Variants in PHF20 observed in about 807,000 individuals in gnomAD.
PHF20 encodes PHD finger protein 20, also known as glioma-expressed antigen 2.
PHF20 carries 23 observed loss-of-function variants against 113.5 expected under a neutral mutation model. The ratio of observed to expected loss-of-function variants is 0.20; its 90% CI spans 0.15 to 0.29. The LOEUF (loss-of-function observed/expected upper bound fraction) is 0.29. PHF20 is among the 10% of genes least tolerant of loss of function. The pLI is 1.00. For missense variants in PHF20, 943 were observed against 1,219.6 expected, an observed-to-expected ratio of 0.77 and a Z score of 3.38; for synonymous variants, 434 against 457.3, an observed-to-expected ratio of 0.95 and a Z score of 0.65.
At chr20:35,815,721 T>G (rs888309922) in intron 2 of PHF20, among the ~76,000 whole-genome samples, 1 of 151,962 alleles carries the variant, frequency 6.6e-6, no homozygotes, top group Non-Finnish European at 1.5e-5. Flanking sequence ...CGCCTCAGCC[T>G]CCCAAAGTGC....
At chr20:35,840,372 A>T (rs918823543) in intron 2 of PHF20, among the ~76,000 whole-genome samples, 10 of 152,182 alleles carry the variant, frequency 6.6e-5, no homozygotes, top group African/African-American at 2.4e-4. Flanking sequence ...TCTTATCCAG[A>T]TACCTCTCTT....
At position 35,823,667 on chromosome 20, in the gene PHF20, G is replaced by GA. The variant is rs1255536349; in HGVS notation, c.84-18897dup. On this transcript the variant is annotated intron_variant, in intron 2 of 17. Coordinates refer to ENST00000374012, the MANE Select transcript of PHF20 (RefSeq NM_016436.5). ...AAAAAAAAAAAAAGGGGTGAAGAAA[G>GA]AAAAAAAAAGATATAAAGCACTTCT... 1.6e-4 allele frequency among the ~76,000 whole-genome samples: 22 copies of GA among 135,686 alleles called. 1 individual carries two copies. The highest frequency in any genetic ancestry group is 1.4e-3 in the South Asian group (6 of 4,220). The allele number at this position is 135,686 out of a possible 152,430, so 89.0% of individuals were successfully genotyped here.
In PHF20 at chr20:35,944,333, G is replaced by A. The variant is rs191506300; in HGVS notation, c.2897-3152G>A. On this transcript the variant is annotated intron_variant, in intron 17 of 17. Coordinates refer to ENST00000374012, the MANE Select transcript of PHF20 (RefSeq NM_016436.5). ...TAACCAAGCTCAGGCACTACTGAGT[G>A]GCTTAGACTCTTCCAGTCTGAGCGT... 1.8e-3 allele frequency among the ~76,000 whole-genome samples: 270 copies of A among 152,270 alleles called. 3 individuals are homozygous for A. Among genetic ancestry groups the A allele is most frequent in the African/African-American group, 6.2e-3 (256 of 41,552 alleles).
At chr20:35,821,476 C>T (rs1262869295) in intron 2 of PHF20, among the ~76,000 whole-genome samples, 2 of 145,654 alleles carry the variant, frequency 1.4e-5, no homozygotes, top group Non-Finnish European at 3.0e-5. Context: ...TATAGCAAAA[C>T]GCTGTCTCTA....
chr20:35,793,995 C>CAA (rs56189104), intron 1 of PHF20, among the ~76,000 whole-genome samples: 32 of 33,692 alleles, frequency 9.5e-4, no homozygotes, highest in African/African-American at 1.4e-3. Context: ...GACTCTGTCT[C>CAA]AAAAAAAAAA....
Position 35,885,529 on chromosome 20 carries a change from TG to T in PHF20, c.1282+13701del, listed in dbSNP as rs1244508849. Among the ~76,000 whole-genome samples the T allele has an allele frequency of 4.7e-5, 7 of 150,442 alleles. No homozygotes were observed. In the East Asian group the frequency reaches 1.4e-3, roughly 29 times the overall value. On this transcript the variant is annotated intron_variant, in intron 9 of 17. Coordinates refer to ENST00000374012, the MANE Select transcript of PHF20 (RefSeq NM_016436.5). The stretch of plus-strand genomic sequence containing the variant: ...TTTTAAAAATGAGATCTTCAGTTTT[TG>T]TCTTTTATGACCTTGACATTACATT...
chr20:35,781,165 A>T (rs1331888701), intron 1 of PHF20, among the ~76,000 whole-genome samples: 4 of 139,206 alleles, frequency 2.9e-5, no homozygotes, highest in Admixed American at 1.5e-4. Context: ...TTTTTCTGAG[A>T]TGGATTCTTG....
intron 9 of PHF20, chr20:35,887,573 G>C (rs2054758453): frequency 6.6e-6 from 1 of 152,124 alleles, no homozygotes; most frequent in South Asian, 2.1e-4. Flanking sequence ...GTGTTTCCTA[G>C]TAAGACAGAC....
chr20:35,884,119 G>A (rs1431461471), intron 9 of PHF20, among the ~76,000 whole-genome samples: 7 of 152,174 alleles, frequency 4.6e-5, no homozygotes, highest in Non-Finnish European at 8.8e-5. Flanking sequence ...ATTGCTGGGG[G>A]AAAGGGAGGT....
intron 9 of PHF20, among the ~76,000 whole-genome samples, chr20:35,879,812 A>G (rs1178766371): frequency 1.3e-5 from 2 of 151,736 alleles, no homozygotes; most frequent in Non-Finnish European, 2.9e-5. Context: ...CTCCAAAACA[A>G]AACAGAATAA....
intron 15 of PHF20, 142 bp from the exon 16 acceptor site, chr20:35,938,555 G>A (rs751597844): frequency 3.4e-5 from 26 of 768,368 alleles, no homozygotes; most frequent in Admixed American, 9.6e-5. Flanking sequence ...ATTCACATTC[G>A]CTCTTGTTTA....
chr20:35,779,100 A>G (rs543418205), intron 1 of PHF20, among the ~76,000 whole-genome samples: 37 of 151,842 alleles, frequency 2.4e-4, no homozygotes, highest in African/African-American at 8.0e-4. Flanking sequence ...CAATGGTGCA[A>G]TCTCGGCTCA....
chr20:35,941,163 CTTCTT>C (rs2055972585), intron 17 of PHF20, 116 bp downstream of exon 17: 1 of 747,342 alleles, frequency 1.3e-6, no homozygotes, highest in South Asian at 2.0e-5. Context: ...CTTTGCTTCT[CTTCTT>C]TTCAGCCTCT....
intron 12 of PHF20, among the ~76,000 whole-genome samples, chr20:35,915,593 G>A (rs1179710972): frequency 6.6e-6 from 1 of 151,914 alleles, no homozygotes; most frequent in East Asian, 1.9e-4. Context: ...CACCATGTTG[G>A]TCAGGCTGGT....
chr20:35,819,261 T>C (rs1452734973), intron 2 of PHF20, among the ~76,000 whole-genome samples: 2 of 152,148 alleles, frequency 1.3e-5, no homozygotes. Flanking sequence ...CTGCGTTTTA[T>C]AGATGAACTA....
At position 35,793,301 on chromosome 20, in the gene PHF20, C is replaced by CT. The variant is rs755495559; in HGVS notation, c.-32-8175dup. On this transcript the variant is annotated intron_variant, in intron 1 of 17. Coordinates refer to ENST00000374012, the MANE Select transcript of PHF20 (RefSeq NM_016436.5). ...GTTCCTCAGAGAGTCCTTTCTTTTT[C>CT]TTTTTTTTTTTTTTTGAGACAAGAG... 5.5e-3 allele frequency among the ~76,000 whole-genome samples: 769 copies of CT among 139,834 alleles called. 7 individuals carry two copies. The highest frequency in any genetic ancestry group is 0.012 in the African/African-American group (460 of 38,280). 91.7% of individuals were successfully genotyped at this position (139,834 alleles called of 152,430 possible). A position where few individuals can be genotyped will look rare whatever the true frequency, so the allele number is the denominator to read the frequency against.
At chr20:35,813,409 T>C (rs922638678) in intron 2 of PHF20, among the ~76,000 whole-genome samples, 1 of 152,248 alleles carries the variant, frequency 6.6e-6, no homozygotes, top group Non-Finnish European at 1.5e-5. Context: ...AACTAGCTCC[T>C]TTGTTCTTTT....
intron 2 of PHF20, among the ~76,000 whole-genome samples, chr20:35,814,752 A>G (rs1488603749): frequency 6.8e-6 from 1 of 146,376 alleles, no homozygotes; most frequent in East Asian, 2.1e-4. Context: ...GGGTGCCTGT[A>G]GTCCCAGCTA....
At chr20:35,826,474 AAG>A (rs2042263958) in intron 2 of PHF20, among the ~76,000 whole-genome samples, 2 of 152,178 alleles carry the variant, frequency 1.3e-5, no homozygotes, top group South Asian at 2.1e-4. Flanking sequence ...TGTGATGAGG[AAG>A]AGAGTCGCCA....
Sources: allele counts gnomAD v4.1 joint callset (sites outside exome capture counted in the v4.1 genomes callset), GRCh38; gene constraint gnomAD v4.1.1; transcripts MANE v1.5; gene names NCBI Gene and HGNC (gene_info 2026-07-23, HGNC 2026-07-21).